The following CYP3A43 variants were observed in gnomAD, a reference collection of about 807,000 sequenced individuals.
The protein encoded by CYP3A43 is cytochrome P450 3A43.
In CYP3A43, 45 loss-of-function variants were observed where a neutral mutation model predicts 58.0. That is an observed-to-expected ratio of 0.78 (90% CI 0.61 to 0.99). The LOEUF is 0.99. Among genes scored for constraint, CYP3A43 ranks in the 50% least tolerant of loss-of-function variants. CYP3A43 has a pLI of 0.00. For synonymous variants in CYP3A43, 191 were observed against 201.4 expected, an observed-to-expected ratio of 0.95 and a Z score of 0.44; for missense variants, 593 against 591.9, an observed-to-expected ratio of 1.00 and a Z score of -0.02.
intron 3 of CYP3A43, among the ~76,000 whole-genome samples, chr7:99,840,310 C>T (rs1279792530): frequency 6.6e-6 from 1 of 152,156 alleles, no homozygotes; most frequent in African/African-American, 2.4e-5. Flanking sequence ...TATACATCTG[C>T]CCTATAAACC....
intron 1 of CYP3A43, among the ~76,000 whole-genome samples, chr7:99,834,188 C>T (rs143486494): frequency 0.012 from 1,782 of 152,162 alleles, 42 homozygotes; most frequent in African/African-American, 0.041. Flanking sequence ...AATCTAGTGC[C>T]CTTGATGTTT....
Position 99,849,697 on chromosome 7 carries a change from A to G in CYP3A43, c.670+3A>G, listed in dbSNP as rs1186757949. The G allele has an allele frequency of 6.3e-7, 1 of 1,576,204 alleles. No individual in the cohort carries two copies. Among genetic ancestry groups the G allele is most frequent in the Non-Finnish European group, 8.6e-7 (1 of 1,167,282 alleles). On this transcript the variant is annotated splice_donor_region_variant and intron_variant, in intron 7 of 12. Coordinates refer to ENST00000354829, the MANE Select transcript of CYP3A43 (RefSeq NM_057095.3). ...GGATCCCTTTTTACTCTTAATATGTATGTGGACTTTTATGTTATTTCTCTC... is the reference window on the plus strand; with the variant it reads ...GGATCCCTTTTTACTCTTAATATGTGTGTGGACTTTTATGTTATTTCTCTC...
At chr7:99,849,362 C>A (rs1817658754) in intron 6 of CYP3A43, among the ~76,000 whole-genome samples, 184 bp from the exon 7 acceptor site, 2 of 152,186 alleles carry the variant, frequency 1.3e-5, no homozygotes, top group South Asian at 4.1e-4. Context: ...CAGCACAGGG[C>A]CAGCTGCATC....
In CYP3A43 at chr7:99,863,537, G is replaced by T. The variant is rs143991326; in HGVS notation, c.1254G>T (p.Arg418Ser). The T allele has an allele frequency of 9.6e-4, 1,537 of 1,594,926 alleles. 11 individuals are homozygous for T. In the African/African-American group the frequency reaches 0.016, roughly 16 times the overall value. Residue 418 changes from arginine (R) to serine (S), a missense_variant and splice_region_variant, in exon 12 of 13, where the codon AGG becomes AGT. Arg to Ser is a moderately radical substitution (Grantham distance 110). Coordinates refer to ENST00000354829, the MANE Select transcript of CYP3A43 (RefSeq NM_057095.3). ...WTEPEKFCPE[R>S]FSKKNKDSID... ...TTTTTATGTACTACTGTGAAAGTAG[G>T]TTCAGTAAGAAGAACAAGGACAGCA...
chr7:99,833,481 A>G (rs111882573), intron 1 of CYP3A43, among the ~76,000 whole-genome samples: 1 of 152,244 alleles, frequency 6.6e-6, no homozygotes, highest in Non-Finnish European at 1.5e-5. Flanking sequence ...CTGCACAGCT[A>G]GGGAAACAGG....
chr7:99,847,272 A>G (rs1190530909), intron 4 of CYP3A43, among the ~76,000 whole-genome samples: 2 of 151,774 alleles, frequency 1.3e-5, no homozygotes, highest in African/African-American at 4.8e-5. Context: ...TGGAAACCAC[A>G]CCATTTGCCT....
At position 99,861,952 on chromosome 7, in the gene CYP3A43, T is replaced by C. The variant is rs1168483567; in HGVS notation, c.1253+113T>C. On this transcript the variant is annotated intron_variant, in intron 11 of 12. Transcript: ENST00000354829. ...AATATGTGCCTTTTCATTTTGGAAG[T>C]TTTTTATTACAAAATGATAACTGTT... 5 of 911,760 alleles carry C rather than the reference T, an allele frequency of 5.5e-6. No individual in the cohort carries two copies. In the African/African-American group the frequency reaches 6.6e-5, roughly 12 times the overall value. 56.5% of individuals were successfully genotyped at this position (911,760 alleles called of 1,614,324 possible). A position where few individuals can be genotyped will look rare whatever the true frequency, so the allele number is the denominator to read the frequency against.
intron 1 of CYP3A43, among the ~76,000 whole-genome samples, chr7:99,831,148 C>T (rs1291749524): frequency 6.6e-6 from 1 of 152,190 alleles, no homozygotes; most frequent in Admixed American, 6.5e-5. Context: ...AAAGAGGGAA[C>T]CAAGCTAACA....
At chr7:99,858,067 C>A (rs1420296388) in intron 9 of CYP3A43, among the ~76,000 whole-genome samples, 1 of 152,008 alleles carries the variant, frequency 6.6e-6, no homozygotes, top group African/African-American at 2.4e-5. Context: ...GAGTACTGAA[C>A]ATGTAGCTGC....
Position 99,865,888 on chromosome 7 carries a change from C to A in CYP3A43, c.1417-18C>A. ...ATTTGCTTCATTGTTTCTGAATATTCTTGTTTAACTTTTGCAGATCCCACT... is the reference window on the plus strand; with the variant it reads ...ATTTGCTTCATTGTTTCTGAATATTATTGTTTAACTTTTGCAGATCCCACT... On this transcript the variant is annotated intron_variant, in intron 12 of 12. Coordinates refer to ENST00000354829, the MANE Select transcript of CYP3A43 (RefSeq NM_057095.3). 3 of 1,493,864 alleles carry A rather than the reference C, an allele frequency of 2.0e-6. No homozygotes were observed. The highest frequency in any genetic ancestry group is 2.7e-6 in the Non-Finnish European group (3 of 1,116,852). 92.5% of individuals were successfully genotyped at this position (1,493,864 alleles called of 1,614,324 possible). A position where few individuals can be genotyped will look rare whatever the true frequency, so the allele number is the denominator to read the frequency against.
chr7:99,856,372 T>A (rs1817982799), intron 8 of CYP3A43, among the ~76,000 whole-genome samples: 2 of 152,088 alleles, frequency 1.3e-5, no homozygotes, highest in Admixed American at 1.3e-4. Context: ...TTGTATAGAG[T>A]TCTAGGAGTG....
intron 1 of CYP3A43, among the ~76,000 whole-genome samples, chr7:99,834,738 T>TC (rs1169688449): frequency 6.6e-6 from 1 of 152,240 alleles, no homozygotes; most frequent in Non-Finnish European, 1.5e-5. Flanking sequence ...AGATTGTTTC[T>TC]CCTACTGCCC....
At chr7:99,861,927 A>G in intron 11 of CYP3A43, 88 bp downstream of exon 11, 2 of 1,154,744 alleles carry the variant, frequency 1.7e-6, no homozygotes, top group Non-Finnish European at 2.5e-6. Flanking sequence ...CAATCATTTG[A>G]ATATGTGCCT....
intron 9 of CYP3A43, among the ~76,000 whole-genome samples, chr7:99,857,575 G>A (rs1403394532): frequency 6.6e-6 from 1 of 152,154 alleles, no homozygotes; most frequent in Non-Finnish European, 1.5e-5. Flanking sequence ...GGGCATGGTG[G>A]CTCACGTCTG....
chr7:99,836,976 A>C (rs535733822), intron 2 of CYP3A43, among the ~76,000 whole-genome samples: 29 of 152,228 alleles, frequency 1.9e-4, no homozygotes, highest in Non-Finnish European at 3.4e-4. Flanking sequence ...GAGCTTTAGT[A>C]AGCTTTTGTT....
chr7:99,858,995 C>A (rs1369847001), intron 9 of CYP3A43, among the ~76,000 whole-genome samples: 3 of 152,130 alleles, frequency 2.0e-5, no homozygotes, highest in African/African-American at 7.2e-5. Flanking sequence ...CTGTGCCCAG[C>A]CTGTTTTATT....
chr7:99,837,776 C>G (rs920863582), intron 2 of CYP3A43, among the ~76,000 whole-genome samples: 2 of 152,172 alleles, frequency 1.3e-5, no homozygotes, highest in African/African-American at 4.8e-5. Flanking sequence ...TTTGACTGAG[C>G]CTTGTGGCTA....
In CYP3A43 at chr7:99,849,132, G is replaced by A. The variant is rs562668585; in HGVS notation, c.522-414G>A. Among the ~76,000 whole-genome samples the A allele has an allele frequency of 7.2e-5, 11 of 152,324 alleles. 1 individual carries two copies. Among genetic ancestry groups the A allele is most frequent in the Admixed American group, 2.6e-4 (4 of 15,296 alleles). ...TGCTGAAGAGACATCAGCTCTGGGC[G>A]TAGACTGTGGGGTCTGGCAATGTCA... On this transcript the variant is annotated intron_variant, in intron 6 of 12. Transcript: ENST00000354829.
chr7:99,838,882 A>G (rs1342641377), intron 2 of CYP3A43: 1 of 560,636 alleles, frequency 1.8e-6, no homozygotes, highest in Non-Finnish European at 3.0e-6. Flanking sequence ...TGGGAGGCTG[A>G]GGCAGGAGAA....
Sources: allele counts gnomAD v4.1 joint callset (sites outside exome capture counted in the v4.1 genomes callset), GRCh38; gene constraint gnomAD v4.1.1; transcripts MANE v1.5; gene names NCBI Gene and HGNC (gene_info 2026-07-23, HGNC 2026-07-21).